The following ZNF500 variants were observed in gnomAD, a reference collection of about 807,000 sequenced individuals.
ZNF500 encodes the protein zinc finger protein with KRAB and SCAN domains 18.
A neutral mutation model predicts 30.1 loss-of-function variants in ZNF500; 31 were observed. The observed-to-expected ratio is 1.03, with a 90% CI of 0.77 to 1.39. The LOEUF is 1.39. Among genes scored for constraint, ZNF500 ranks in the 40% most tolerant of loss-of-function variants. The probability of loss-of-function intolerance (pLI) is 0.00; values close to 1 mark genes in which losing one functional copy is unlikely to be tolerated. For missense variants in ZNF500, 817 were observed against 657.8 expected, an observed-to-expected ratio of 1.24 and a Z score of -2.65; for synonymous variants, 392 against 282.0, an observed-to-expected ratio of 1.39 and a Z score of -3.91.
At chr16:4,753,345 C>A (rs987977461) in intron 5 of ZNF500, among the ~76,000 whole-genome samples, 2 of 152,182 alleles carry the variant, frequency 1.3e-5, no homozygotes, top group Admixed American at 1.3e-4. Flanking sequence ...GCCTGTAGTC[C>A]TAGCTACTCA....
chr16:4,752,937 CCT>C lies in ZNF500; in HGVS notation c.880_881del (p.Arg294AlafsTer11), dbSNP rs757437062. Reference sequence around the variant, plus strand: ...TGACCAAGCCCCTGACTGGGGCTGGCCTCTGACCTGGGAGCGGGTGGCCAGGC... The same window carrying C: ...TGACCAAGCCCCTGACTGGGGCTGGCCTGACCTGGGAGCGGGTGGCCAGGC... ...QGPGHPLPGQRPAPVRGLVRP... is the reference protein window; with the variant it reads ...QGPGHPLPGQXPAPVRGLVRP... On this transcript the variant is annotated frameshift_variant, in exon 6 of 6. Coordinates refer to ENST00000219478, the MANE Select transcript of ZNF500 (RefSeq NM_021646.4). LOFTEE classifies it low-confidence loss of function (END_TRUNC). 5 of 1,612,508 alleles carry C rather than the reference CCT, an allele frequency of 3.1e-6. No individual in the cohort carries two copies. The Admixed American group carries it at 6.7e-5, about 22-fold the overall frequency.
At chr16:4,765,413 A>G in intron 2 of ZNF500, 152 bp downstream of exon 2, 3 of 1,081,290 alleles carry the variant, frequency 2.8e-6, no homozygotes, top group Non-Finnish European at 4.0e-6. Context: ...CCATTAGCCA[A>G]GGCTGAGAAA....
intron 5 of ZNF500, among the ~76,000 whole-genome samples, chr16:4,754,678 A>AT (rs1055740241): frequency 5.3e-5 from 8 of 151,750 alleles, no homozygotes; most frequent in South Asian, 2.1e-4. Flanking sequence ...AAATAAAAAA[A>AT]AAAAAAATAG....
In ZNF500 at chr16:4,752,654, G is replaced by C. The variant is rs777159262; in HGVS notation, c.1165C>G (p.Arg389Gly). Reference sequence around the variant, plus strand: ...ACCAGGCTGGAGCTCTGGCTGAAGCGCTTCCCACACTCGGGGCACGGGTAG... The same window carrying C: ...ACCAGGCTGGAGCTCTGGCTGAAGCCCTTCCCACACTCGGGGCACGGGTAG... ...KPYPCPECGK[R>G]FSQSSSLVIH... The change falls in exon 6 of 6, where the codon CGC (arginine) becomes GGC (glycine). Residue 389 changes from arginine (R) to glycine (G), a missense_variant. Coordinates refer to ENST00000219478, the MANE Select transcript of ZNF500 (RefSeq NM_021646.4). 1.2e-6 allele frequency: 2 copies of C among 1,612,972 alleles called. No homozygotes were observed. Among genetic ancestry groups the C allele is most frequent in the African/African-American group, 1.3e-5 (1 of 74,916 alleles).
chr16:4,753,905 TGTC>T (rs945188031), intron 5 of ZNF500, among the ~76,000 whole-genome samples: 8 of 152,204 alleles, frequency 5.3e-5, no homozygotes, highest in African/African-American at 1.9e-4. Context: ...GGACCTCCCT[TGTC>T]GTACTTGGTG....
chr16:4,747,596 GC>G, downstream of ZNF500: 1 of 1,609,938 alleles, frequency 6.2e-7, no homozygotes, highest in South Asian at 1.1e-5. Flanking sequence ...AGCCAGGGAG[GC>G]CCTGATGCCT....
rs1261127185 is a variant in ZNF500, at chr16:4,751,778, C to G, written c.*598G>C. ...AAAAAAGAGACTGGGCATGGCGGCA[C>G]ACACCTGTAACCCCAGCTACTCAGG... On this transcript the variant is annotated 3_prime_UTR_variant, in exon 6 of 6. Coordinates refer to ENST00000219478, the MANE Select transcript of ZNF500 (RefSeq NM_021646.4). 3.2e-5 allele frequency: 26 copies of G among 806,740 alleles called. 1 individual carries two copies. Among genetic ancestry groups the G allele is most frequent in the South Asian group, 3.0e-4 (19 of 63,132 alleles). 50.0% of individuals were successfully genotyped at this position (806,740 alleles called of 1,614,324 possible).
chr16:4,745,092 G>A (rs745812052), downstream of ZNF500: 9 of 1,500,708 alleles, frequency 6.0e-6, no homozygotes, highest in South Asian at 3.6e-5. Flanking sequence ...GGCCTACCAA[G>A]GGCGGGGCAC....
downstream of ZNF500, chr16:4,747,107 C>T (rs1358015001): frequency 1.2e-5 from 17 of 1,372,138 alleles, no homozygotes; most frequent in South Asian, 2.7e-5. Context: ...GCACATTTAC[C>T]GCCTGTGGTG....
chr16:4,753,230 G>A (rs1432293372), intron 5 of ZNF500, 172 bp from the exon 6 acceptor site: 1 of 1,300,096 alleles, frequency 7.7e-7, no homozygotes, highest in Non-Finnish European at 1.0e-6. Context: ...GAAGGCTGAA[G>A]TGGGAGGATT....
chr16:4,762,652 C>G lies in ZNF500; in HGVS notation c.519G>C (p.Glu173Asp). ...GGGGCTGCTGGCTGGAGAATCGAGC[C>G]TCTTCCTCCAGGGACAGATCCTCTG... ...AQPEDLSLEEEARFSSQQPPA... is the reference protein window; with the variant it reads ...AQPEDLSLEEDARFSSQQPPA... The change falls in exon 3 of 6, where the codon GAG (glutamate) becomes GAC (aspartate). Residue 173 changes from glutamate to aspartate, a missense_variant. By Grantham distance (45) the Glu-to-Asp change is conservative (BLOSUM62 2). Transcript: ENST00000219478. 6.2e-7 allele frequency: 1 copy of G among 1,614,164 alleles called. No individual in the cohort carries two copies. Among genetic ancestry groups the G allele is most frequent in the Non-Finnish European group, 8.5e-7 (1 of 1,180,020 alleles).
At chr16:4,748,105 A>C (rs1316794094), downstream of ZNF500, 1 of 154,796 alleles carries the variant, frequency 6.5e-6, no homozygotes, top group Non-Finnish European at 1.4e-5. Flanking sequence ...TTGGGCACCT[A>C]AATTAACACA....
At chr16:4,766,148 C>A in intron 1 of ZNF500, 72 bp from the exon 2 acceptor site, 1 of 705,642 alleles carries the variant, frequency 1.4e-6, no homozygotes, top group Non-Finnish European at 2.1e-6. Context: ...TGGGAAGCCC[C>A]TGCCCTGGTT....
At chr16:4,746,626 G>A, downstream of ZNF500, 1 of 1,352,172 alleles carries the variant, frequency 7.4e-7, no homozygotes, top group South Asian at 1.4e-5. Context: ...CAAAAGGCTT[G>A]GATCAATTCT....
intron 5 of ZNF500, chr16:4,758,517 C>A (rs2082162604): frequency 6.6e-6 from 1 of 152,258 alleles, no homozygotes; most frequent in Non-Finnish European, 1.5e-5. Flanking sequence ...CAGGGTTCCT[C>A]AATCACGGTG....
intron 1 of ZNF500, among the ~76,000 whole-genome samples, chr16:4,766,730 G>A (rs1471270692): frequency 6.6e-6 from 1 of 152,188 alleles, no homozygotes; most frequent in Non-Finnish European, 1.5e-5. Flanking sequence ...TGAAAAGTAG[G>A]GCCTTTCTGC....
chr16:4,751,798 C>T lies in ZNF500; in HGVS notation c.*578G>A, dbSNP rs2082080541. 2 of 700,242 alleles carry T rather than the reference C, an allele frequency of 2.9e-6. No homozygotes were observed. The highest frequency in any genetic ancestry group is 4.8e-5 in the Admixed American group (2 of 41,808). 43.4% of individuals were successfully genotyped at this position (700,242 alleles called of 1,614,324 possible). On this transcript the variant is annotated 3_prime_UTR_variant, in exon 6 of 6. Coordinates refer to ENST00000219478, the MANE Select transcript of ZNF500 (RefSeq NM_021646.4). ...CGGCACACACCTGTAACCCCAGCTA[C>T]TCAGGAGGATGAGGCAGGAGGAACA...
chr16:4,766,749 C>G (rs950747936), intron 1 of ZNF500, among the ~76,000 whole-genome samples: 4 of 152,226 alleles, frequency 2.6e-5, no homozygotes, highest in African/African-American at 9.6e-5. Context: ...GCAGACTCTG[C>G]CTCAACTTGA....
In ZNF500 at chr16:4,761,887, A is replaced by AC. The variant is rs1567534455; in HGVS notation, c.663+383_663+384insG. On this transcript the variant is annotated intron_variant, in intron 4 of 5. Coordinates refer to ENST00000219478, the MANE Select transcript of ZNF500 (RefSeq NM_021646.4). ...AACAAACAAACAAACAAACAAACAAAAACCCCAAAAAAACCAGCAAGCAAA... is the reference window on the plus strand; with the variant it reads ...AACAAACAAACAAACAAACAAACAAACAACCCCAAAAAAACCAGCAAGCAAA... 1.2e-3 allele frequency among the ~76,000 whole-genome samples: 176 copies of AC among 151,482 alleles called. 1 individual carries two copies. The highest frequency in any genetic ancestry group is 4.0e-3 in the African/African-American group (163 of 41,154).
Sources: allele counts gnomAD v4.1 joint callset (sites outside exome capture counted in the v4.1 genomes callset), GRCh38; gene constraint gnomAD v4.1.1; transcripts MANE v1.5; gene names NCBI Gene and HGNC (gene_info 2026-07-23, HGNC 2026-07-21).